ZNF57: variants seen among roughly 807,000 people sequenced by gnomAD.
ZNF57 encodes zinc finger protein 424.
In ZNF57, 11 loss-of-function variants were observed where a neutral mutation model predicts 13.4. The ratio of observed to expected loss-of-function variants is 0.82; its 90% CI spans 0.52 to 1.36. The LOEUF (loss-of-function observed/expected upper bound fraction) is 1.36, where lower values mean the gene tolerates loss of function less well. Ranked by LOEUF, ZNF57 falls within the 40% of genes most tolerant of loss-of-function variation. The pLI is 0.00. For synonymous variants in ZNF57, 224 were observed against 238.5 expected, an observed-to-expected ratio of 0.94 and a Z score of 0.56; for missense variants, 696 against 667.5, an observed-to-expected ratio of 1.04 and a Z score of -0.47.
At chr19:2,915,371 G>A (rs1215918935) in intron 1 of ZNF57, 151 bp from the exon 2 acceptor site, 4 of 1,024,584 alleles carry the variant, frequency 3.9e-6, no homozygotes, top group Non-Finnish European at 5.6e-6. Context: ...TTACTAGGAA[G>A]TGATTGTGAA....
At chr19:2,909,971 T>TA (rs145197006) in intron 1 of ZNF57, among the ~76,000 whole-genome samples, 5,898 of 48,388 alleles carry the variant, frequency 0.12, 2,678 homozygotes, top group Middle Eastern at 0.55. Flanking sequence ...TACCTCTCCA[T>TA]ATAAACTTTA....
intron 3 of ZNF57, 185 bp downstream of exon 3, chr19:2,916,434 C>G (rs147341810): frequency 1.8e-6 from 1 of 558,824 alleles, no homozygotes; most frequent in Non-Finnish European, 2.9e-6. Flanking sequence ...TACAGGGGGC[C>G]GGGCGCGATG....
In ZNF57 at chr19:2,916,923, G is replaced by C. The variant is rs777190016; in HGVS notation, c.303-1G>C. 5.8e-6 allele frequency: 9 copies of C among 1,560,568 alleles called. No individual in the cohort carries two copies. In the South Asian group the frequency reaches 9.6e-5, roughly 17 times the overall value. ...ATAAAAATGTCTCTCATTTTTAACA[G>C]AAATCATATGGTGGACAGATTCTGT... On this transcript the variant is annotated splice_acceptor_variant, in intron 3 of 3. Transcript: ENST00000306908. LOFTEE classifies it high-confidence loss of function.
At chr19:2,910,727 T>TGGGGTTAC (rs2088124885) in intron 1 of ZNF57, among the ~76,000 whole-genome samples, 1 of 115,200 alleles carries the variant, frequency 8.7e-6, no homozygotes, top group African/African-American at 2.9e-5. Flanking sequence ...CCCGAAGTGT[T>TGGGGTTAC]GGGGTTACAG....
chr19:2,910,884 G>A (rs1336341561), intron 1 of ZNF57, among the ~76,000 whole-genome samples: 1 of 150,278 alleles, frequency 6.7e-6, no homozygotes, highest in African/African-American at 2.4e-5. Context: ...GTGAGCCACC[G>A]GGCCCGGCCT....
In ZNF57 at chr19:2,917,289, C is replaced by A. The variant is rs2288958; in HGVS notation, c.668C>A (p.Thr223Asn). Residue 223 changes from threonine (T) to asparagine (N), a missense_variant, in exon 4 of 4, where the codon ACC (threonine) becomes AAC (asparagine). By Grantham distance (65) the Thr-to-Asn change is moderately conservative (BLOSUM62 0). This residue lies in a region of ZNF57 where 645 missense variants were observed against 591.5 expected (regional missense o/e 1.09). Transcript: ENST00000306908. ...GTAAAGACTCACACAGCAGAGAAAA[C>A]CTACAAATGCGAGCAGTGTCGGATG... The part of the protein sequence containing the change: ...HHVKTHTAEK[T>N]YKCEQCRMAF... 0.45 allele frequency: 730,456 copies of A among 1,613,888 alleles called. 169,509 individuals are homozygous for A. Among genetic ancestry groups the A allele is most frequent in the East Asian group, 0.64 (28,784 of 44,876 alleles).
chr19:2,903,798 T>A (rs2088049720), intron 1 of ZNF57, among the ~76,000 whole-genome samples: 1 of 151,538 alleles, frequency 6.6e-6, no homozygotes, highest in Non-Finnish European at 1.5e-5. Context: ...CACTGCAGGC[T>A]CCGCCCTCCG....
chr19:2,918,337 A>G lies in ZNF57; in HGVS notation c.*48A>G. 4 of 1,515,326 alleles carry G rather than the reference A, an allele frequency of 2.6e-6. No individual in the cohort carries two copies. Among genetic ancestry groups the G allele is most frequent in the Non-Finnish European group, 3.5e-6 (4 of 1,132,442 alleles). 93.9% of individuals were successfully genotyped at this position (1,515,326 alleles called of 1,614,324 possible). A position where few individuals can be genotyped will look rare whatever the true frequency, so the allele number is the denominator to read the frequency against. Reference sequence around the variant, plus strand: ...GGGGTAACCTCACATTAATTCATGTATAATGCTCCAGAAAATTCACACCAG... The same window carrying G: ...GGGGTAACCTCACATTAATTCATGTGTAATGCTCCAGAAAATTCACACCAG... On this transcript the variant is annotated 3_prime_UTR_variant, in exon 4 of 4. Coordinates refer to ENST00000306908, the MANE Select transcript of ZNF57 (RefSeq NM_173480.3).
chr19:2,917,826 C>T lies in ZNF57; in HGVS notation c.1205C>T (p.Thr402Ile), dbSNP rs763649993. 3 of 1,604,118 alleles carry T rather than the reference C, an allele frequency of 1.9e-6. No individual in the cohort carries two copies. Among genetic ancestry groups the T allele is most frequent in the South Asian group, 1.1e-5 (1 of 89,098 alleles). ...YKCEQCGKAF[T>I]SSRSFRGHLR... ...TGTGAACAATGTGGGAAGGCTTTTA[C>T]CTCTTCCAGATCATTCCGAGGTCAT... The change falls in exon 4 of 4, where the codon ACC becomes ATC. Residue 402 changes from threonine to isoleucine, a missense_variant. This residue lies in a region of ZNF57 where 645 missense variants were observed against 591.5 expected (regional missense o/e 1.09). Coordinates refer to ENST00000306908, the MANE Select transcript of ZNF57 (RefSeq NM_173480.3).
chr19:2,918,365 G>A lies in ZNF57; in HGVS notation c.*76G>A. 6.9e-7 allele frequency: 1 copy of A among 1,450,878 alleles called. No homozygotes were observed. 89.9% of individuals were successfully genotyped at this position (1,450,878 alleles called of 1,614,324 possible). The stretch of plus-strand genomic sequence containing the variant: ...ATGCTCCAGAAAATTCACACCAGGA[G>A]AGAAATCTTACAAGTATGATATTGT... On this transcript the variant is annotated 3_prime_UTR_variant, in exon 4 of 4. Transcript: ENST00000306908.
intron 1 of ZNF57, among the ~76,000 whole-genome samples, chr19:2,905,447 G>C (rs2088066393): frequency 2.4e-5 from 3 of 122,786 alleles, no homozygotes; most frequent in South Asian, 5.3e-4. Context: ...TGCATTACAG[G>C]CGTGAGCCAC....
At chr19:2,912,028 GACGC>G (rs2088141974) in intron 1 of ZNF57, 1 of 152,208 alleles carries the variant, frequency 6.6e-6, no homozygotes, top group Non-Finnish European at 1.5e-5. Flanking sequence ...TGGAAAGCCA[GACGC>G]AATGTACTGG....
At chr19:2,908,705 T>G (rs1477145912) in intron 1 of ZNF57, among the ~76,000 whole-genome samples, 3 of 151,944 alleles carry the variant, frequency 2.0e-5, no homozygotes, top group Non-Finnish European at 4.4e-5. Context: ...GCCCGGCCAT[T>G]GGTTTTTACA....
At chr19:2,915,783 C>T (rs2088186935) in intron 2 of ZNF57, 135 bp downstream of exon 2, 1 of 1,366,806 alleles carries the variant, frequency 7.3e-7, no homozygotes. Context: ...AGAATCTAGT[C>T]ATTATTCCCT....
chr19:2,903,853 C>A (rs942313955), intron 1 of ZNF57, among the ~76,000 whole-genome samples: 21 of 151,576 alleles, frequency 1.4e-4, no homozygotes, highest in Admixed American at 1.3e-3. Flanking sequence ...GTAGCTGGGA[C>A]TACAGGCGAC....
At chr19:2,901,592 C>T (rs1011377829) in intron 1 of ZNF57, among the ~76,000 whole-genome samples, 3 of 152,058 alleles carry the variant, frequency 2.0e-5, no homozygotes, top group Non-Finnish European at 2.9e-5. Context: ...GTGATCTCGG[C>T]TCACTGCAAC....
intron 1 of ZNF57, among the ~76,000 whole-genome samples, chr19:2,912,900 A>C (rs2088152571): frequency 6.6e-6 from 1 of 152,074 alleles, no homozygotes; most frequent in Admixed American, 6.6e-5. Flanking sequence ...TTCTTTGATG[A>C]CTAATTACTG....
Position 2,917,366 on chromosome 19 carries a change from G to C in ZNF57, c.745G>C (p.Asp249His), listed in dbSNP as rs753006671. Residue 249 changes from aspartate to histidine, a missense_variant, in exon 4 of 4, where the codon GAC becomes CAC. Transcript: ENST00000306908. ...TAGACATGTGAGAACTCACACAAAA[G>C]ACAGGCCATATAAATGTCAGGAATG... Reference protein sequence around the residue: ...FTRHVRTHTKDRPYKCQECGR... With the variant: ...FTRHVRTHTKHRPYKCQECGR... 1.9e-6 allele frequency: 3 copies of C among 1,614,052 alleles called. No homozygotes were observed. The highest frequency in any genetic ancestry group is 2.2e-5 in the East Asian group (1 of 44,904).
chr19:2,904,860 G>C (rs10424448), intron 1 of ZNF57, among the ~76,000 whole-genome samples: 4,456 of 152,102 alleles, frequency 0.029, 220 homozygotes, highest in African/African-American at 0.1. Context: ...GTAGCTTACT[G>C]TCTGTGTGTG....
Sources: allele counts gnomAD v4.1 joint callset (sites outside exome capture counted in the v4.1 genomes callset), GRCh38; gene constraint gnomAD v4.1.1; regional missense constraint gnomAD v4.1.1; transcripts MANE v1.5; gene names NCBI Gene and HGNC (gene_info 2026-07-23, HGNC 2026-07-21).